ITIH2: variants seen among roughly 807,000 people sequenced by gnomAD.
ITIH2 encodes inter-alpha-trypsin inhibitor heavy chain H2.
Under a neutral mutation model 104.4 loss-of-function variants are expected in ITIH2, and 103 were observed. The ratio of observed to expected loss-of-function variants is 0.99; its 90% CI spans 0.84 to 1.16. The LOEUF is 1.16. ITIH2 is among the 50% of genes most tolerant of loss of function. The pLI is 0.00. For synonymous variants in ITIH2, 436 were observed against 435.4 expected, an observed-to-expected ratio of 1.00 and a Z score of -0.02; for missense variants, 1,108 against 1,162.4, an observed-to-expected ratio of 0.95 and a Z score of 0.68.
Position 7,749,358 on chromosome 10 carries a change from A to G in ITIH2, c.*24A>G. On this transcript the variant is annotated 3_prime_UTR_variant, in exon 21 of 21. Transcript: ENST00000358415. ...AAAGGTTTATAGTTTGGGAAATTAT[A>G]TATATTAATATACATCTTTCCCCTG... 1.9e-6 allele frequency: 3 copies of G among 1,574,366 alleles called. No individual in the cohort carries two copies. Among genetic ancestry groups the G allele is most frequent in the Non-Finnish European group, 2.6e-6 (3 of 1,147,722 alleles).
At chr10:7,722,561 C>T (rs972497915) in intron 8 of ITIH2, among the ~76,000 whole-genome samples, 1 of 152,164 alleles carries the variant, frequency 6.6e-6, no homozygotes, top group African/African-American at 2.4e-5. Flanking sequence ...TTGGATTCTA[C>T]GGCCCCATCT....
At chr10:7,714,469 G>C (rs1834828885) in intron 5 of ITIH2, among the ~76,000 whole-genome samples, 1 of 152,080 alleles carries the variant, frequency 6.6e-6, no homozygotes, top group South Asian at 2.1e-4. Context: ...ACTGTGCCTG[G>C]CCCACGCTCA....
At chr10:7,704,192 C>T (rs573743799) in intron 1 of ITIH2, among the ~76,000 whole-genome samples, 33 of 152,270 alleles carry the variant, frequency 2.2e-4, no homozygotes, top group South Asian at 6.2e-4. Flanking sequence ...GCCAGAAAAG[C>T]GAAGCATGTT....
Position 7,746,713 on chromosome 10 carries a change from C to A in ITIH2, c.2693+9C>A. ...AAGCTGATCATCACCAGGTAGGCCT[C>A]GGGCGTAAGGACAGTGACGAAAAGG... On this transcript the variant is annotated intron_variant, in intron 20 of 20. Coordinates refer to ENST00000358415, the MANE Select transcript of ITIH2 (RefSeq NM_002216.3). The A allele has an allele frequency of 6.4e-7, 1 of 1,572,032 alleles. No homozygotes were observed. Among genetic ancestry groups the A allele is most frequent in the Non-Finnish European group, 8.8e-7 (1 of 1,142,358 alleles).
intron 5 of ITIH2, 54 bp downstream of exon 5, chr10:7,713,339 C>A: frequency 7.2e-7 from 1 of 1,385,480 alleles, no homozygotes; most frequent in Non-Finnish European, 1.0e-6. Flanking sequence ...GGTTTCCTCT[C>A]CTACTTCCTT....
intron 19 of ITIH2, 56 bp downstream of exon 19, chr10:7,745,019 C>G (rs1049447772): frequency 2.0e-6 from 3 of 1,493,794 alleles, no homozygotes; most frequent in Middle Eastern, 3.5e-4. Context: ...TCTTTAGCAG[C>G]TTTGGTTGAC....
At position 7,703,453 on chromosome 10, in the gene ITIH2, T is replaced by A. The variant is rs771794108; in HGVS notation, c.19T>A (p.Phe7Ile). Residue 7 changes from phenylalanine to isoleucine, a missense_variant, in exon 1 of 21, where the codon TTT (phenylalanine) becomes ATT (isoleucine). Coordinates refer to ENST00000358415, the MANE Select transcript of ITIH2 (RefSeq NM_002216.3). Reference protein sequence around the residue: MKRLTCFFICFFLSEVS... With the variant: MKRLTCIFICFFLSEVS... ...CAGCAAAATGAAAAGACTCACGTGC[T>A]TTTTCATCTGCTTCTTTCTTTCTGA... 9 of 1,613,780 alleles carry A rather than the reference T, an allele frequency of 5.6e-6. No homozygotes were observed. The highest frequency in any genetic ancestry group is 7.6e-6 in the Non-Finnish European group (9 of 1,179,664).
In ITIH2 at chr10:7,746,722, G is replaced by C; in HGVS notation, c.2693+18G>C. 6.6e-7 allele frequency: 1 copy of C among 1,512,138 alleles called. No homozygotes were observed. The highest frequency in any genetic ancestry group is 1.7e-5 in the Admixed American group (1 of 59,162). 93.7% of individuals were successfully genotyped at this position (1,512,138 alleles called of 1,614,324 possible). A position where few individuals can be genotyped will look rare whatever the true frequency, so the allele number is the denominator to read the frequency against. On this transcript the variant is annotated intron_variant, in intron 20 of 20. Coordinates refer to ENST00000358415, the MANE Select transcript of ITIH2 (RefSeq NM_002216.3). ...ATCACCAGGTAGGCCTCGGGCGTAA[G>C]GACAGTGACGAAAAGGCCTTGTGTT...
intron 19 of ITIH2, among the ~76,000 whole-genome samples, chr10:7,745,206 C>T (rs969613581): frequency 6.6e-6 from 1 of 152,180 alleles, no homozygotes. Context: ...GGGACAGATA[C>T]ATTTTAAGTT....
Position 7,727,089 on chromosome 10 carries a change from G to A in ITIH2, c.1124G>A (p.Arg375Lys). ...ATKTQVADAK[R>K]YIEKIQPSGG... ...AAAACACAGGTTGCAGATGCCAAGA[G>A]GTATATTGAGAAAATCCAGCCCAGT... is the stretch of plus-strand genomic sequence containing the variant. Residue 375 changes from arginine to lysine, a missense_variant, in exon 10 of 21, where the codon AGG becomes AAG. Transcript: ENST00000358415. 2.5e-6 allele frequency: 4 copies of A among 1,614,142 alleles called. No homozygotes were observed. The highest frequency in any genetic ancestry group is 3.4e-6 in the Non-Finnish European group (4 of 1,179,982).
chr10:7,724,103 T>G (rs1379926841), intron 9 of ITIH2, among the ~76,000 whole-genome samples: 1 of 152,202 alleles, frequency 6.6e-6, no homozygotes, highest in East Asian at 1.9e-4. Flanking sequence ...TACTTAGTGA[T>G]AAGTGAGATG....
At chr10:7,740,218 T>C (rs1835111761) in intron 16 of ITIH2, among the ~76,000 whole-genome samples, 1 of 152,134 alleles carries the variant, frequency 6.6e-6, no homozygotes, top group South Asian at 2.1e-4. Flanking sequence ...AACAGGGTGA[T>C]AAAATAGTAA....
At chr10:7,715,499 A>C (rs755901409) in intron 5 of ITIH2, among the ~76,000 whole-genome samples, 7 of 152,054 alleles carry the variant, frequency 4.6e-5, no homozygotes, top group Non-Finnish European at 1.0e-4. Flanking sequence ...TATCCATCAC[A>C]CAAATACTTA....
chr10:7,735,112 G>T, intron 15 of ITIH2, 21 bp downstream of exon 15: 10 of 1,588,750 alleles, frequency 6.3e-6, no homozygotes, highest in Non-Finnish European at 7.7e-6. Flanking sequence ...CACCTGTGGG[G>T]ACAAGTGGCC....
At chr10:7,738,375 C>A (rs1266784650) in intron 15 of ITIH2, among the ~76,000 whole-genome samples, 1 of 147,072 alleles carries the variant, frequency 6.8e-6, no homozygotes, top group African/African-American at 2.5e-5. Flanking sequence ...CCTTCCCCGG[C>A]CCTATAAAGC....
intron 14 of ITIH2, among the ~76,000 whole-genome samples, chr10:7,733,104 T>A (rs1383570455): frequency 1.3e-5 from 2 of 152,102 alleles, no homozygotes; most frequent in Non-Finnish European, 2.9e-5. Flanking sequence ...CAGATCCAGA[T>A]GTAGGTTCCC....
At chr10:7,737,634 T>TATTA (rs1282569858) in intron 15 of ITIH2, among the ~76,000 whole-genome samples, 1 of 105,892 alleles carries the variant, frequency 9.4e-6, no homozygotes, top group African/African-American at 4.1e-5. Context: ...ATATTCTATA[T>TATTA]TCTATAGAAT....
chr10:7,745,054 C>T, intron 19 of ITIH2, 91 bp downstream of exon 19: 1 of 1,113,770 alleles, frequency 9.0e-7, no homozygotes, highest in South Asian at 1.4e-5. Flanking sequence ...GAGGACATGG[C>T]AGGTGTGGAC....
chr10:7,741,467 C>T lies in ITIH2; in HGVS notation c.2096-1679C>T, dbSNP rs112693039. Among the ~76,000 whole-genome samples, 1,371 of 152,234 alleles carry T rather than the reference C, an allele frequency of 9.0e-3. 20 individuals carry two copies. Among genetic ancestry groups the T allele is most frequent in the African/African-American group, 0.032 (1,319 of 41,548 alleles). On this transcript the variant is annotated intron_variant, in intron 16 of 20. Coordinates refer to ENST00000358415, the MANE Select transcript of ITIH2 (RefSeq NM_002216.3). Reference sequence around the variant, plus strand: ...TGCTGGGATTACAGGCGTGAGCCACCGCACCTGGCCTGTTCTGTGTTTTTA... The same window carrying T: ...TGCTGGGATTACAGGCGTGAGCCACTGCACCTGGCCTGTTCTGTGTTTTTA...
Sources: gnomAD v4.1 joint callset for allele counts (sites outside exome capture counted in the v4.1 genomes callset) on GRCh38, gnomAD v4.1.1 for gene constraint, MANE v1.5 for transcripts, NCBI Gene and HGNC (gene_info 2026-07-23, HGNC 2026-07-21) for gene names.